Variants in FN1 observed in about 807,000 individuals in gnomAD.
FN1 encodes the protein fibronectin.
In FN1, 106 loss-of-function variants were observed where a neutral mutation model predicts 297.3. The ratio of observed to expected loss-of-function variants is 0.36; its 90% CI spans 0.30 to 0.42. The LOEUF is 0.42. Ranked by LOEUF, FN1 falls within the 10% of genes least tolerant of loss-of-function variation. FN1 has a pLI of 1.00. For synonymous variants in FN1, 1,149 were observed against 1,152.6 expected (o/e 1.00, Z 0.06); for missense variants, 2,690 against 3,124.9 (o/e 0.86, Z 3.32).
Position 215,424,050 on chromosome 2 carries a change from G to A in FN1, c.1216+96C>T. The A allele has an allele frequency of 6.5e-6, 8 of 1,232,776 alleles. No individual in the cohort carries two copies. The Admixed American group carries it at 6.7e-5, about 10-fold the overall frequency. The allele number at this position is 1,232,776 out of a possible 1,614,324, so 76.4% of individuals were successfully genotyped here. On this transcript the variant is annotated intron_variant, in intron 8 of 45. Transcript: ENST00000354785. ...ACTGAACAAAAGCGATGCTTCTTGG[G>A]CGGGTTCAAAATAAATGGCTAGAAT...
intron 35 of FN1, among the ~76,000 whole-genome samples, chr2:215,377,578 G>T (rs1468530946): frequency 1.3e-5 from 2 of 152,142 alleles, no homozygotes; most frequent in Admixed American, 6.5e-5. Context: ...TAGAAGCCAA[G>T]AAGATACCAG....
chr2:215,427,282 A>C (rs1311642428), intron 6 of FN1, among the ~76,000 whole-genome samples: 5 of 152,226 alleles, frequency 3.3e-5, no homozygotes. Flanking sequence ...GCTCAAAGCA[A>C]GACAAAAACT....
intron 17 of FN1, 90 bp downstream of exon 17, chr2:215,408,018 G>A: frequency 1.1e-6 from 1 of 917,400 alleles, no homozygotes; most frequent in Non-Finnish European, 1.8e-6. Flanking sequence ...GATTTAAAGT[G>A]ATATGCAGGT....
intron 13 of FN1, among the ~76,000 whole-genome samples, chr2:215,412,051 AAAATT>A (rs1232018498): frequency 3.3e-5 from 5 of 152,320 alleles, no homozygotes; most frequent in African/African-American, 9.6e-5. Context: ...TAAAGTAAAT[AAAATT>A]AATGATGTAA....
At chr2:215,396,541 T>A (rs1025336015) in intron 23 of FN1, among the ~76,000 whole-genome samples, 1 of 152,140 alleles carries the variant, frequency 6.6e-6, no homozygotes, top group African/African-American at 2.4e-5. Flanking sequence ...TAAAAAAAAA[T>A]TACATTCCAA....
chr2:215,373,972 G>A (rs889269731), intron 38 of FN1, among the ~76,000 whole-genome samples: 1 of 151,964 alleles, frequency 6.6e-6, no homozygotes, highest in Non-Finnish European at 1.5e-5. Flanking sequence ...GTGAGCCACC[G>A]CGCCTGGCCT....
At chr2:215,409,450 C>G in intron 15 of FN1, 113 bp downstream of exon 15, 4 of 983,676 alleles carry the variant, frequency 4.1e-6, no homozygotes, top group Non-Finnish European at 6.6e-6. Flanking sequence ...TCAGTCTGAG[C>G]TGTCAACCAG....
intron 35 of FN1, 103 bp downstream of exon 35, chr2:215,378,072 T>G: frequency 2.5e-6 from 2 of 804,468 alleles, no homozygotes. Flanking sequence ...CTTCCCAAAG[T>G]GCTTGGATTT....
chr2:215,391,547 C>T (rs954067551), intron 26 of FN1, 85 bp downstream of exon 26: 2 of 1,219,578 alleles, frequency 1.6e-6, no homozygotes, highest in African/African-American at 1.5e-5. Flanking sequence ...CTCTCTTGCT[C>T]TTAGCTCCTC....
intron 35 of FN1, 21 bp downstream of exon 35, chr2:215,378,154 T>G (rs1372756121): frequency 1.4e-6 from 2 of 1,405,142 alleles, no homozygotes; most frequent in Non-Finnish European, 1.0e-6. Flanking sequence ...TTTGTCCATA[T>G]GAAGACATTT....
chr2:215,417,549 C>G (rs1193147396), intron 12 of FN1, among the ~76,000 whole-genome samples: 1 of 152,120 alleles, frequency 6.6e-6, no homozygotes, highest in Non-Finnish European at 1.5e-5. Context: ...GAGGAACAAA[C>G]AAGGCAGGAC....
rs1216911254 is a variant in FN1, at chr2:215,408,127, TC to T, written c.2498del (p.Arg833AsnfsTer11). 6.2e-7 allele frequency: 1 copy of T among 1,613,932 alleles called. No homozygotes were observed. The highest frequency in any genetic ancestry group is 1.7e-5 in the Admixed American group (1 of 59,990). On this transcript the variant is annotated frameshift_variant, in exon 17 of 46. Transcript: ENST00000354785. LOFTEE classifies it high-confidence loss of function. ...DDTSIVVRWS[R>X]PQAPITGYRI... ...GCTGACCTGTGATGGGAGCCTGGGGTCTGCTCCAGCGAACAACAATTGAGGT... is the reference window on the plus strand; with the variant it reads ...GCTGACCTGTGATGGGAGCCTGGGGTTGCTCCAGCGAACAACAATTGAGGT...
At position 215,419,303 on chromosome 2, in the gene FN1, C is replaced by G. The variant is rs1346441751; in HGVS notation, c.1758G>C (p.Gln586His). 5 of 1,612,850 alleles carry G rather than the reference C, an allele frequency of 3.1e-6. No homozygotes were observed. Among genetic ancestry groups the G allele is most frequent in the South Asian group, 1.1e-5 (1 of 91,050 alleles). The change falls in exon 12 of 46, where the codon CAG (glutamine) becomes CAC (histidine). Residue 586 changes from glutamine to histidine, a missense_variant. Around this residue, in one of 3 missense-constraint regions of FN1, gnomAD observed 876 missense variants for 1,058.1 expected, o/e 0.83. Transcript: ENST00000354785. ...CAATGCCACGGCCATAGCAGTAGCA[C>G]TGGTATCTGACACCATGCACATACT... The part of the protein sequence containing the change: ...WEKYVHGVRY[Q>H]CYCYGRGIGE...
At chr2:215,412,679 A>T (rs898425940) in intron 13 of FN1, among the ~76,000 whole-genome samples, 6 of 150,892 alleles carry the variant, frequency 4.0e-5, no homozygotes, top group Admixed American at 1.3e-4. Flanking sequence ...AATCTTGGAC[A>T]TTCCCAGTGT....
rs5838504 is a variant in FN1 at position 215,386,568 on chromosome 2, A to ATTT, written c.4612+118_4612+120dup. 1.6e-3 allele frequency: 543 copies of ATTT among 337,250 alleles called. 41 individuals are homozygous for ATTT. In the African/African-American group the frequency reaches 0.021, roughly 13 times the overall value. 20.9% of individuals were successfully genotyped at this position (337,250 alleles called of 1,614,324 possible). ...TCTCCATGTACCATGACAATGATCT[A>ATTT]TTTTTTTTTTTTTTTTTTTTTTTTT... On this transcript the variant is annotated intron_variant, in intron 28 of 45. Coordinates refer to ENST00000354785, the MANE Select transcript of FN1 (RefSeq NM_212482.4).
chr2:215,398,642 C>T (rs554565214), intron 21 of FN1, among the ~76,000 whole-genome samples: 3 of 152,220 alleles, frequency 2.0e-5, no homozygotes, highest in Non-Finnish European at 4.4e-5. Flanking sequence ...TGATTTCCAG[C>T]GATAACAAAT....
chr2:215,401,044 C>G (rs2106191412), intron 20 of FN1, among the ~76,000 whole-genome samples: 1 of 150,480 alleles, frequency 6.6e-6, no homozygotes, highest in South Asian at 2.1e-4. Flanking sequence ...GATCTACCCA[C>G]CTCGGCCTCC....
chr2:215,410,633 G>A (rs781623248), intron 13 of FN1, among the ~76,000 whole-genome samples: 23 of 151,686 alleles, frequency 1.5e-4, no homozygotes, highest in Admixed American at 3.3e-4. Context: ...TCAGCCTCCC[G>A]AGTAGCTGGG....
intron 2 of FN1, among the ~76,000 whole-genome samples, chr2:215,434,071 C>T (rs530054140): frequency 6.6e-6 from 1 of 152,332 alleles, no homozygotes; most frequent in South Asian, 2.1e-4. Context: ...TACTGCACTC[C>T]AGCCTGGTGA....
Sources: allele counts gnomAD v4.1 joint callset (sites outside exome capture counted in the v4.1 genomes callset), GRCh38; gene constraint gnomAD v4.1.1; regional missense constraint gnomAD v4.1.1; transcripts MANE v1.5; gene names NCBI Gene and HGNC (gene_info 2026-07-23, HGNC 2026-07-21).